Variants in SLC35D4 observed in about 807,000 individuals in gnomAD.
The protein encoded by SLC35D4 is solute carrier family 35 member D4, also known as UDP-N-acetylglucosamine transporter SLC35D4.
chr18:23,309,377 G>A, the SLC35D4 span, among the ~76,000 whole-genome samples: 20 of 152,070 alleles, frequency 1.3e-4, no homozygotes, highest in Non-Finnish European at 2.4e-4. Context: ...CCCTGGGGTG[G>A]AGGAGTGAGG....
At chr18:23,348,862 C>A in the SLC35D4 span, among the ~76,000 whole-genome samples, 1 of 152,202 alleles carries the variant, frequency 6.6e-6, no homozygotes, top group South Asian at 2.1e-4. Flanking sequence ...GATATGGCTG[C>A]TAGCAACAAA....
chr18:23,404,998 A>AC, the SLC35D4 span, among the ~76,000 whole-genome samples: 2 of 140,900 alleles, frequency 1.4e-5, no homozygotes, highest in East Asian at 4.0e-4. Flanking sequence ...GTCTCAAAAA[A>AC]AAAAAAAAAA....
the SLC35D4 span, among the ~76,000 whole-genome samples, chr18:23,282,961 C>G: frequency 6.6e-6 from 1 of 151,708 alleles, no homozygotes; most frequent in South Asian, 2.1e-4. Context: ...CTGAGGGGAC[C>G]CCCGAGAAAC....
chr18:23,332,102 C>T, the SLC35D4 span, among the ~76,000 whole-genome samples: 2 of 151,730 alleles, frequency 1.3e-5, no homozygotes, highest in Non-Finnish European at 2.9e-5. Flanking sequence ...ACTATGTTGC[C>T]TAGGCTAGTC....
chr18:23,310,391 G>GA, the SLC35D4 span: 1 of 570,600 alleles, frequency 1.8e-6, no homozygotes, highest in Non-Finnish European at 2.2e-6. Flanking sequence ...GGTGTCTCAG[G>GA]AATGGCAGCC....
chr18:23,239,623 G>A, the SLC35D4 span, among the ~76,000 whole-genome samples: 1 of 152,210 alleles, frequency 6.6e-6, no homozygotes, highest in Non-Finnish European at 1.5e-5. Flanking sequence ...ATTTTTGTGT[G>A]TTGGGGAACA....
chr18:23,298,561 A>G, the SLC35D4 span, among the ~76,000 whole-genome samples: 3 of 152,256 alleles, frequency 2.0e-5, no homozygotes, highest in African/African-American at 7.2e-5. Context: ...TAATTTTCCC[A>G]CCAGCACAGA....
At chr18:23,280,801 C>CT in the SLC35D4 span, among the ~76,000 whole-genome samples, 1 of 151,866 alleles carries the variant, frequency 6.6e-6, no homozygotes. Flanking sequence ...AAAAATAAAA[C>CT]TTAAACCTGG....
At chr18:23,411,582 C>A in the SLC35D4 span, among the ~76,000 whole-genome samples, 1 of 151,268 alleles carries the variant, frequency 6.6e-6, no homozygotes, top group Non-Finnish European at 1.5e-5. Flanking sequence ...CCCAGCAACT[C>A]CTAGCCACAA....
the SLC35D4 span, chr18:23,352,344 G>T: frequency 1.4e-6 from 2 of 1,399,140 alleles, no homozygotes; most frequent in African/African-American, 1.5e-5. Context: ...TTAGCCAATG[G>T]CTGACTAGTG....
the SLC35D4 span, chr18:23,331,325 G>A: frequency 1.3e-5 from 2 of 152,220 alleles, no homozygotes; most frequent in Non-Finnish European, 2.9e-5. Flanking sequence ...AGGAGAAACG[G>A]TGGCCACCGC....
chr18:23,249,539 G>A, the SLC35D4 span, among the ~76,000 whole-genome samples: 1 of 152,224 alleles, frequency 6.6e-6, no homozygotes, highest in Non-Finnish European at 1.5e-5. Flanking sequence ...CTGGAGCAGA[G>A]TCCAGACTTG....
chr18:23,351,949 C>T, the SLC35D4 span, among the ~76,000 whole-genome samples: 1 of 152,186 alleles, frequency 6.6e-6, no homozygotes, highest in African/African-American at 2.4e-5. Flanking sequence ...ACCTGCACAG[C>T]CTCCAGGAAG....
chr18:23,370,211 T>C, the SLC35D4 span: 3 of 1,590,390 alleles, frequency 1.9e-6, no homozygotes, highest in Admixed American at 3.7e-5. Flanking sequence ...AAAAAAAGAG[T>C]TTACCTTAAT....
the SLC35D4 span, among the ~76,000 whole-genome samples, chr18:23,422,981 A>G: frequency 6.6e-6 from 1 of 152,182 alleles, no homozygotes; most frequent in African/African-American, 2.4e-5. Context: ...TATGACCACA[A>G]CCCACCCATG....
At chr18:23,285,162 C>T in the SLC35D4 span, among the ~76,000 whole-genome samples, 1 of 151,792 alleles carries the variant, frequency 6.6e-6, no homozygotes, top group Non-Finnish European at 1.5e-5. Context: ...TTCCGCACCC[C>T]GACCTCTTAT....
At chr18:23,248,818 T>G in the SLC35D4 span, among the ~76,000 whole-genome samples, 15 of 152,074 alleles carry the variant, frequency 9.9e-5, no homozygotes, top group Admixed American at 2.6e-4. Context: ...AGAGCGAAAC[T>G]CCATCTCAAC....
the SLC35D4 span, among the ~76,000 whole-genome samples, chr18:23,351,003 G>A: frequency 1.3e-5 from 2 of 152,128 alleles, no homozygotes; most frequent in African/African-American, 4.8e-5. Context: ...CTTTCTAGCT[G>A]TTTTTTGGGA....
the SLC35D4 span, among the ~76,000 whole-genome samples, chr18:23,373,207 C>T: frequency 1.3e-5 from 2 of 151,960 alleles, no homozygotes; most frequent in African/African-American, 4.8e-5. Context: ...CCCAGCTACT[C>T]GGGAGGCTGA....
Sources: gnomAD v4.1 joint callset for allele counts (sites outside exome capture counted in the v4.1 genomes callset) on GRCh38, gnomAD v4.1.1 for gene constraint, MANE v1.5 for transcripts, NCBI Gene and HGNC (gene_info 2026-07-23, HGNC 2026-07-21) for gene names.